Variants in LRFN2 observed in about 807,000 individuals in gnomAD.
The protein encoded by LRFN2 is leucine-rich repeat and fibronectin type-III domain-containing protein 2.
Under a neutral mutation model 37.3 loss-of-function variants are expected in LRFN2, and 18 were observed. The observed-to-expected ratio is 0.48, with a 90% CI of 0.33 to 0.72. LRFN2 has a LOEUF of 0.72. Ranked by LOEUF, LRFN2 falls within the 30% of genes least tolerant of loss-of-function variation. LRFN2 has a pLI of 0.02. For missense variants in LRFN2, 1,006 were observed against 1,060.7 expected, an observed-to-expected ratio of 0.95 and a Z score of 0.72; for synonymous variants, 556 against 466.6, an observed-to-expected ratio of 1.19 and a Z score of -2.47.
chr6:40,421,946 A>G (rs1011142845), intron 2 of LRFN2, among the ~76,000 whole-genome samples: 9 of 152,172 alleles, frequency 5.9e-5, no homozygotes, highest in African/African-American at 9.7e-5. Flanking sequence ...GTGAGTTATC[A>G]TTATCTCCAT....
At chr6:40,420,150 G>C (rs1763187755) in intron 2 of LRFN2, among the ~76,000 whole-genome samples, 1 of 152,200 alleles carries the variant, frequency 6.6e-6, no homozygotes, top group Admixed American at 6.5e-5. Context: ...GCTGGAAATA[G>C]CTCTCTTTTG....
intron 1 of LRFN2, among the ~76,000 whole-genome samples, chr6:40,564,054 T>C (rs558788293): frequency 1.4e-3 from 218 of 152,332 alleles, no homozygotes; most frequent in African/African-American, 4.7e-3. Flanking sequence ...TTTATCTCCA[T>C]TTTAGAGTTG....
At chr6:40,454,463 A>T (rs1279928539) in intron 1 of LRFN2, among the ~76,000 whole-genome samples, 1 of 152,168 alleles carries the variant, frequency 6.6e-6, no homozygotes, top group Non-Finnish European at 1.5e-5. Flanking sequence ...CACAGCAGAG[A>T]AGGGCTGTCT....
rs1213180886 is a variant in LRFN2 at position 40,392,283 on chromosome 6, CTGGAG to C, written c.2025_2029del (p.Asp675GlufsTer91). ...CCCAGCCCCTCTCCCGGCTGGAGTC[CTGGAG>C]TCCAGCAGCTCCTCCTTTCTCTGAC... On this transcript the variant is annotated frameshift_variant, in exon 3 of 3. Transcript: ENST00000338305. LOFTEE classifies it high-confidence loss of function. The surrounding 1 kb of genome is among the most constrained non-coding windows in gnomAD (Gnocchi z 4.7). The C allele has an allele frequency of 6.2e-7, 1 of 1,605,986 alleles. No homozygotes were observed. Among genetic ancestry groups the C allele is most frequent in the Admixed American group, 1.7e-5 (1 of 59,274 alleles).
intron 1 of LRFN2, among the ~76,000 whole-genome samples, chr6:40,477,452 TTAGG>T (rs1226228578): frequency 6.6e-6 from 1 of 152,074 alleles, no homozygotes; most frequent in African/African-American, 2.4e-5. Flanking sequence ...CCCAGAGAGG[TTAGG>T]TGTCTTTCAC....
chr6:40,555,730 C>T (rs1766863113), intron 1 of LRFN2, among the ~76,000 whole-genome samples: 1 of 152,130 alleles, frequency 6.6e-6, no homozygotes, highest in Admixed American at 6.5e-5. Context: ...CCTGCCCCCA[C>T]CCCCATGGCA....
In LRFN2 at chr6:40,475,031, G is replaced by C. The variant is rs546455749; in HGVS notation, c.-18-41900C>G. ...AGCCCCAGCCACACTCACTCTTATG[G>C]TTGTCGGAGACTAGGGCTTCATGAG... On this transcript the variant is annotated intron_variant, in intron 1 of 2. Transcript: ENST00000338305. Among the ~76,000 whole-genome samples the C allele has an allele frequency of 4.5e-4, 69 of 152,242 alleles. 1 individual carries two copies. Among genetic ancestry groups the C allele is most frequent in the African/African-American group, 1.6e-3 (66 of 41,538 alleles).
At chr6:40,515,203 G>A (rs1261765425) in intron 1 of LRFN2, among the ~76,000 whole-genome samples, 1 of 152,202 alleles carries the variant, frequency 6.6e-6, no homozygotes, top group African/African-American at 2.4e-5. Flanking sequence ...GTAAAGGGGG[G>A]AAGGGGATCC....
chr6:40,485,768 A>G (rs1764942605), intron 1 of LRFN2, among the ~76,000 whole-genome samples: 1 of 152,246 alleles, frequency 6.6e-6, no homozygotes, highest in Non-Finnish European at 1.5e-5. Context: ...TCACTTGGTT[A>G]TCATGGGCTG....
intron 2 of LRFN2, among the ~76,000 whole-genome samples, chr6:40,419,374 A>T (rs775624678): frequency 6.6e-6 from 1 of 152,006 alleles, no homozygotes; most frequent in Non-Finnish European, 1.5e-5. Flanking sequence ...TTCTGCTATC[A>T]CCATGAGAAG....
chr6:40,478,226 A>G (rs1479109859), intron 1 of LRFN2, among the ~76,000 whole-genome samples: 6 of 152,170 alleles, frequency 3.9e-5, no homozygotes, highest in Admixed American at 1.3e-4. Context: ...GTCTGAGCCC[A>G]TACTCTGTGC....
intron 1 of LRFN2, among the ~76,000 whole-genome samples, chr6:40,449,782 C>T (rs1015309103): frequency 6.6e-6 from 1 of 152,056 alleles, no homozygotes. Context: ...CCCCATTTTC[C>T]CCATTGGTAA....
chr6:40,421,500 T>C (rs1218004302), intron 2 of LRFN2, among the ~76,000 whole-genome samples: 3 of 152,152 alleles, frequency 2.0e-5, no homozygotes, highest in African/African-American at 7.2e-5. Context: ...TGATTGGCAA[T>C]TGGCTGAGTT....
intron 1 of LRFN2, among the ~76,000 whole-genome samples, chr6:40,561,905 C>A (rs1163111658): frequency 6.6e-6 from 1 of 152,138 alleles, no homozygotes; most frequent in African/African-American, 2.4e-5. Context: ...GCATCTCCCC[C>A]TCCACCATGA....
chr6:40,568,504 A>G (rs1767130340), intron 1 of LRFN2, among the ~76,000 whole-genome samples: 2 of 152,232 alleles, frequency 1.3e-5, no homozygotes, highest in African/African-American at 4.8e-5. Flanking sequence ...GCTTACAGGC[A>G]TCCCCACAAG....
intron 1 of LRFN2, among the ~76,000 whole-genome samples, chr6:40,507,243 T>A (rs1765569410): frequency 6.6e-6 from 1 of 152,154 alleles, no homozygotes; most frequent in African/African-American, 2.4e-5. Flanking sequence ...GTCAAACTAG[T>A]CTCAGAGCCA....
intron 1 of LRFN2, among the ~76,000 whole-genome samples, chr6:40,467,149 A>T (rs918590446): frequency 7.5e-5 from 11 of 147,236 alleles, no homozygotes; most frequent in African/African-American, 2.8e-4. Context: ...TTATCTCAGT[A>T]TTTGGAAAGT....
intron 1 of LRFN2, among the ~76,000 whole-genome samples, chr6:40,453,549 CACACA>C (rs1384302003): frequency 2.3e-4 from 34 of 150,000 alleles, no homozygotes; most frequent in Non-Finnish European, 3.0e-4. Context: ...CACACACACA[CACACA>C]CCTCCCTTTG....
intron 1 of LRFN2, among the ~76,000 whole-genome samples, chr6:40,462,653 G>A (rs2113850927): frequency 6.6e-6 from 1 of 152,320 alleles, no homozygotes; most frequent in African/African-American, 2.4e-5. Flanking sequence ...ACAAGTGACA[G>A]CACTTTACAG....
Sources: allele counts gnomAD v4.1 joint callset (sites outside exome capture counted in the v4.1 genomes callset), GRCh38; gene constraint gnomAD v4.1.1; non-coding constraint Gnocchi (gnomAD v3.1); transcripts MANE v1.5; gene names NCBI Gene and HGNC (gene_info 2026-07-23, HGNC 2026-07-21).